NCOA3: variants seen among roughly 807,000 people sequenced by gnomAD.
NCOA3 encodes CBP-interacting protein.
Under a neutral mutation model 158.8 loss-of-function variants are expected in NCOA3, and 51 were observed. That is an observed-to-expected ratio of 0.32 (90% CI 0.26 to 0.41). NCOA3 has a LOEUF of 0.41. Ranked by LOEUF, NCOA3 falls within the 10% of genes least tolerant of loss-of-function variation. NCOA3 has a pLI of 1.00. For synonymous variants in NCOA3, 537 were observed against 592.4 expected (o/e 0.91, Z 1.36); for missense variants, 1,510 against 1,746.6 (o/e 0.86, Z 2.41).
Position 47,577,997 on chromosome 20 carries a change from C to T in NCOA3, c.-98-5186C>T, listed in dbSNP as rs374849448. Among the ~76,000 whole-genome samples the T allele has an allele frequency of 2.6e-5, 4 of 152,224 alleles. 1 individual carries two copies. The highest frequency in any genetic ancestry group is 9.6e-5 in the African/African-American group (4 of 41,536). ...ATTTGAAATAATTCCTTGTCCCCCA[C>T]TCCCTTATCAAGAAGATTATAGCAT... On this transcript the variant is annotated intron_variant, in intron 1 of 22. Coordinates refer to ENST00000371998, the MANE Select transcript of NCOA3 (RefSeq NM_181659.3).
chr20:47,548,437 G>C (rs1266496174), intron 1 of NCOA3, among the ~76,000 whole-genome samples: 1 of 151,870 alleles, frequency 6.6e-6, no homozygotes, highest in Non-Finnish European at 1.5e-5. Flanking sequence ...TCAGCTACTC[G>C]GGAGGCTGAG....
At chr20:47,539,468 A>G (rs2084688141) in intron 1 of NCOA3, among the ~76,000 whole-genome samples, 1 of 152,220 alleles carries the variant, frequency 6.6e-6, no homozygotes, top group African/African-American at 2.4e-5. Context: ...TAGGTACTCA[A>G]ATATTTGCTG....
intron 2 of NCOA3, among the ~76,000 whole-genome samples, chr20:47,591,997 T>A (rs557672733): frequency 6.6e-6 from 1 of 152,286 alleles, no homozygotes; most frequent in African/African-American, 2.4e-5. Flanking sequence ...CTGCTTCAAT[T>A]TAATTCTCCT....
chr20:47,629,993 A>T lies in NCOA3; in HGVS notation c.823+1970A>T, dbSNP rs2086387063. On this transcript the variant is annotated intron_variant, in intron 8 of 22. Transcript: ENST00000371998. ...TCAAATGCTTTGTGTGATTAACATC[A>T]TTTAAAACTGAGATCCTACTTACTT... Among the ~76,000 whole-genome samples, 6 of 152,356 alleles carry T rather than the reference A, an allele frequency of 3.9e-5. No homozygotes were observed. In the South Asian group the frequency reaches 1.2e-3, roughly 32 times the overall value.
intron 1 of NCOA3, among the ~76,000 whole-genome samples, chr20:47,565,495 G>A (rs1017744618): frequency 2.6e-5 from 4 of 152,132 alleles, no homozygotes; most frequent in African/African-American, 9.7e-5. Context: ...TGGGCAGATC[G>A]CGTGAGCCCA....
chr20:47,612,689 A>G (rs1361529252), intron 2 of NCOA3, among the ~76,000 whole-genome samples: 1 of 152,242 alleles, frequency 6.6e-6, no homozygotes, highest in African/African-American at 2.4e-5. Flanking sequence ...GCTCAGACTT[A>G]AGTCTGTTCT....
chr20:47,574,726 T>A (rs1336367274), intron 1 of NCOA3, among the ~76,000 whole-genome samples: 5 of 152,224 alleles, frequency 3.3e-5, no homozygotes, highest in African/African-American at 7.2e-5. Context: ...TATCTTCCTT[T>A]GTATACGCTT....
In NCOA3 at chr20:47,639,135, A is replaced by G. The variant is rs201509259; in HGVS notation, c.2640A>G (p.Pro880=). 3 of 1,614,080 alleles carry G rather than the reference A, an allele frequency of 1.9e-6. No homozygotes were observed. Among genetic ancestry groups the G allele is most frequent in the Non-Finnish European group, 2.5e-6 (3 of 1,180,030 alleles). ...VKNISAFPML[P]KQPMLGGNPR... is the part of the protein sequence containing the mutation. ...ATATCAGTGCTTTCCCCATGTTACC[A>G]AAGCAACCCATGTTGGGTGGGAATC... Residue 880 remains proline, a synonymous_variant, in exon 14 of 23, where the codon CCA becomes CCG. Transcript: ENST00000371998.
intron 2 of NCOA3, among the ~76,000 whole-genome samples, chr20:47,619,952 C>T (rs1212356419): frequency 2.0e-5 from 3 of 151,882 alleles, no homozygotes; most frequent in Non-Finnish European, 4.4e-5. Context: ...CCTGCCACCA[C>T]GCCCAGCTAA....
chr20:47,585,920 C>T (rs1293283818), intron 2 of NCOA3, among the ~76,000 whole-genome samples: 1 of 149,782 alleles, frequency 6.7e-6, no homozygotes, highest in Non-Finnish European at 1.5e-5. Context: ...AGAACTATCT[C>T]CACAGGTTTT....
chr20:47,597,557 C>T (rs893088474), intron 2 of NCOA3, among the ~76,000 whole-genome samples: 2 of 150,384 alleles, frequency 1.3e-5, no homozygotes, highest in Non-Finnish European at 3.0e-5. Context: ...GGTGCGATCT[C>T]GGCTAACTGT....
intron 4 of NCOA3, among the ~76,000 whole-genome samples, chr20:47,625,156 A>G (rs952762145): frequency 1.3e-5 from 2 of 152,166 alleles, no homozygotes; most frequent in African/African-American, 4.8e-5. Flanking sequence ...GGGATAGTAC[A>G]TTTAGTAGTG....
intron 6 of NCOA3, 60 bp downstream of exon 6, chr20:47,627,236 GA>G: frequency 7.4e-7 from 1 of 1,350,052 alleles, no homozygotes; most frequent in South Asian, 1.4e-5. Flanking sequence ...CCATTTCTTA[GA>G]AAATTGAATG....
chr20:47,543,667 G>A (rs542745193), intron 1 of NCOA3, among the ~76,000 whole-genome samples: 4 of 151,920 alleles, frequency 2.6e-5, no homozygotes, highest in Non-Finnish European at 4.4e-5. Context: ...GCACCACCAC[G>A]CCTGGCTCAG....
At chr20:47,502,323 C>T (rs1468135251) in intron 1 of NCOA3, among the ~76,000 whole-genome samples, 1 of 152,128 alleles carries the variant, frequency 6.6e-6, no homozygotes, top group African/African-American at 2.4e-5. Context: ...GGGGGGACTG[C>T]AGGGGCCCAC....
chr20:47,508,696 G>A (rs184700653), intron 1 of NCOA3, among the ~76,000 whole-genome samples: 136 of 152,292 alleles, frequency 8.9e-4, no homozygotes, highest in Non-Finnish European at 1.3e-4. Flanking sequence ...GCTGTTGGTG[G>A]AAAGAGCAGC....
intron 10 of NCOA3, 55 bp downstream of exon 10, chr20:47,634,250 G>T: frequency 6.6e-7 from 1 of 1,523,604 alleles, no homozygotes; most frequent in Non-Finnish European, 8.9e-7. Flanking sequence ...TTCTCAAAAT[G>T]CTTTATTATT....
intron 8 of NCOA3, chr20:47,631,108 A>C (rs2086409648): frequency 6.6e-6 from 1 of 152,212 alleles, no homozygotes. Context: ...TTCTGTCTGC[A>C]TTCAAAGACA....
intron 1 of NCOA3, among the ~76,000 whole-genome samples, chr20:47,526,329 C>T (rs75482831): frequency 1.5e-4 from 23 of 152,066 alleles, no homozygotes; most frequent in Non-Finnish European, 2.1e-4. Context: ...GGCGGCCAGG[C>T]GGAGATGCTC....
Sources: allele counts gnomAD v4.1 joint callset (sites outside exome capture counted in the v4.1 genomes callset), GRCh38; gene constraint gnomAD v4.1.1; transcripts MANE v1.5; gene names NCBI Gene and HGNC (gene_info 2026-07-23, HGNC 2026-07-21).